Variants in FSIP1 observed in about 807,000 individuals in gnomAD.
FSIP1 encodes the protein fibrous sheath interacting protein 1.
A neutral mutation model predicts 60.9 loss-of-function variants in FSIP1; 65 were observed. The ratio of observed to expected loss-of-function variants is 1.07; its 90% CI spans 0.87 to 1.31. FSIP1 has a LOEUF of 1.31. Ranked by LOEUF, FSIP1 falls within the 40% of genes most tolerant of loss-of-function variation. The probability of loss-of-function intolerance (pLI) is 0.00; values close to 1 mark genes in which losing one functional copy is unlikely to be tolerated. For synonymous variants in FSIP1, 209 were observed against 221.2 expected, an observed-to-expected ratio of 0.94 and a Z score of 0.49; for missense variants, 675 against 665.5, an observed-to-expected ratio of 1.01 and a Z score of -0.16.
chr15:39,760,801 A>G (rs944525193), intron 5 of FSIP1, among the ~76,000 whole-genome samples: 1 of 152,188 alleles, frequency 6.6e-6, no homozygotes, highest in Non-Finnish European at 1.5e-5. Flanking sequence ...ATGGTATTAT[A>G]CCAATGTTGA....
At chr15:39,710,441 G>GAAAAAA (rs397945950) in intron 10 of FSIP1, among the ~76,000 whole-genome samples, 24 of 74,240 alleles carry the variant, frequency 3.2e-4, no homozygotes, top group Non-Finnish European at 4.4e-4. Context: ...CTCTGTCTCA[G>GAAAAAA]AAAAAAAAAA....
intron 10 of FSIP1, among the ~76,000 whole-genome samples, chr15:39,633,230 T>C (rs80322011): frequency 0.1 from 15,573 of 151,520 alleles, 915 homozygotes; most frequent in East Asian, 0.21. Flanking sequence ...GCTGGGACTA[T>C]AGGCACGCAC....
intron 4 of FSIP1, among the ~76,000 whole-genome samples, chr15:39,764,673 G>A (rs574633624): frequency 2.0e-5 from 3 of 152,202 alleles, no homozygotes; most frequent in East Asian, 3.9e-4. Flanking sequence ...TAGAGAATAA[G>A]AGGTCCAAGA....
intron 9 of FSIP1, among the ~76,000 whole-genome samples, chr15:39,714,481 T>C (rs558809350): frequency 2.0e-5 from 3 of 150,570 alleles, no homozygotes; most frequent in Non-Finnish European, 4.4e-5. Flanking sequence ...ATAGAGATGG[T>C]CACCAGGAAT....
At chr15:39,621,471 A>G (rs1199605573) in intron 10 of FSIP1, among the ~76,000 whole-genome samples, 1 of 152,236 alleles carries the variant, frequency 6.6e-6, no homozygotes, top group Non-Finnish European at 1.5e-5. Context: ...CTTCTATCCA[A>G]GCTTTGCTGC....
chr15:39,729,782 C>G (rs1896334804), intron 8 of FSIP1, among the ~76,000 whole-genome samples: 1 of 152,136 alleles, frequency 6.6e-6, no homozygotes, highest in South Asian at 2.1e-4. Flanking sequence ...CAAAATAACA[C>G]AGGAATGAAA....
intron 10 of FSIP1, among the ~76,000 whole-genome samples, chr15:39,712,668 C>A (rs1391974438): frequency 2.0e-5 from 3 of 152,104 alleles, no homozygotes; most frequent in Non-Finnish European, 2.9e-5. Context: ...TAGGTAAAAT[C>A]CAGGTATCCA....
At chr15:39,610,357 T>G (rs1024781148) in intron 11 of FSIP1, among the ~76,000 whole-genome samples, 1 of 151,958 alleles carries the variant, frequency 6.6e-6, no homozygotes, top group African/African-American at 2.4e-5. Flanking sequence ...CAAAGATGAG[T>G]GCACCAAGAC....
chr15:39,665,828 C>A (rs951622032), intron 10 of FSIP1, among the ~76,000 whole-genome samples: 35 of 152,078 alleles, frequency 2.3e-4, no homozygotes, highest in Non-Finnish European at 3.2e-4. Context: ...GAGAGCTGAA[C>A]AAAAGCCACT....
rs750636878 is a variant in FSIP1 at position 39,741,910 on chromosome 15, T to TA, written c.560-11dup. The TA allele has an allele frequency of 4.1e-6, 6 of 1,452,968 alleles. No homozygotes were observed. The highest frequency in any genetic ancestry group is 2.8e-5 in the African/African-American group (2 of 71,568). 90.0% of individuals were successfully genotyped at this position (1,452,968 alleles called of 1,614,324 possible). ...TCCTCATGAGAAGGACCTGTTGATTTAAAAAATCACTTGTTCAATGCTCAC... is the reference window on the plus strand; with the variant it reads ...TCCTCATGAGAAGGACCTGTTGATTTAAAAAAATCACTTGTTCAATGCTCAC... On this transcript the variant is annotated splice_polypyrimidine_tract_variant and intron_variant, in intron 5 of 11. Coordinates refer to ENST00000350221, the MANE Select transcript of FSIP1 (RefSeq NM_152597.5).
intron 9 of FSIP1, among the ~76,000 whole-genome samples, chr15:39,721,179 G>C (rs10520149): frequency 0.12 from 18,109 of 152,172 alleles, 1,319 homozygotes; most frequent in African/African-American, 0.2. Context: ...CATTCCTAGA[G>C]TTCCTCAAAC....
intron 10 of FSIP1, among the ~76,000 whole-genome samples, chr15:39,685,458 C>T (rs751068493): frequency 1.3e-5 from 2 of 152,146 alleles, no homozygotes; most frequent in Admixed American, 6.5e-5. Flanking sequence ...ACATAGAAAG[C>T]CTTTGATGGC....
In FSIP1 at chr15:39,739,680, A is replaced by G; in HGVS notation, c.765T>C (p.Ile255=). Residue 255 remains isoleucine (I), a synonymous_variant, in exon 7 of 12, where the codon ATT becomes ATC. Coordinates refer to ENST00000350221, the MANE Select transcript of FSIP1 (RefSeq NM_152597.5). ...ELRGKHNQDF[I]KRNIELAKES... is the part of the protein sequence containing the mutation. ...AAGTACATACCTCAATGTTTCTCTT[A>G]ATAAAATCCTGGTTGTGTTTACCCC... 6.3e-7 allele frequency: 1 copy of G among 1,595,742 alleles called. No homozygotes were observed. Among genetic ancestry groups the G allele is most frequent in the Non-Finnish European group, 8.5e-7 (1 of 1,176,092 alleles).
intron 8 of FSIP1, 42 bp downstream of exon 8, chr15:39,738,049 C>A: frequency 1.8e-6 from 2 of 1,103,640 alleles, no homozygotes; most frequent in Admixed American, 2.3e-5. Flanking sequence ...TTTTTAAAAT[C>A]TAAATTAAGA....
chr15:39,597,533 A>G (rs1269231395), downstream of FSIP1: 1 of 152,032 alleles, frequency 6.6e-6, no homozygotes, highest in Non-Finnish European at 1.5e-5. Flanking sequence ...CGTAAATACC[A>G]TTCATAAATC....
chr15:39,756,655 A>C (rs994151678), intron 5 of FSIP1, among the ~76,000 whole-genome samples: 1 of 152,128 alleles, frequency 6.6e-6, no homozygotes, highest in African/African-American at 2.4e-5. Flanking sequence ...CTCTTAAATA[A>C]GAGGATAAGA....
intron 9 of FSIP1, among the ~76,000 whole-genome samples, chr15:39,721,068 G>C (rs1895948538): frequency 2.0e-5 from 3 of 152,120 alleles, no homozygotes; most frequent in Non-Finnish European, 4.4e-5. Context: ...CTGGGCCAGA[G>C]CATCTATATG....
chr15:39,739,155 C>A (rs1261904916), intron 7 of FSIP1, among the ~76,000 whole-genome samples: 1 of 152,162 alleles, frequency 6.6e-6, no homozygotes, highest in African/African-American at 2.4e-5. Context: ...GTGCTTGAAG[C>A]AGAAGCTAAT....
chr15:39,613,144 AT>A (rs753487959), intron 11 of FSIP1, among the ~76,000 whole-genome samples: 1 of 152,172 alleles, frequency 6.6e-6, no homozygotes, highest in Non-Finnish European at 1.5e-5. Flanking sequence ...TATGTTTCAA[AT>A]AGCCTTCAAC....
Sources: allele counts gnomAD v4.1 joint callset (sites outside exome capture counted in the v4.1 genomes callset), GRCh38; gene constraint gnomAD v4.1.1; transcripts MANE v1.5; gene names NCBI Gene and HGNC (gene_info 2026-07-23, HGNC 2026-07-21).